Variants in BUD31 observed in about 807,000 individuals in gnomAD.
BUD31 encodes protein BUD31 homolog.
In BUD31, 9 loss-of-function variants were observed where a neutral mutation model predicts 17.9. The ratio of observed to expected loss-of-function variants is 0.50; its 90% CI spans 0.30 to 0.88. BUD31 has a LOEUF of 0.88. Among genes scored for constraint, BUD31 ranks in the 40% least tolerant of loss-of-function variants. The probability of loss-of-function intolerance (pLI) is 0.06; values close to 1 mark genes in which losing one functional copy is unlikely to be tolerated. For synonymous variants in BUD31, 70 were observed against 64.7 expected (o/e 1.08, Z -0.39); for missense variants, 148 against 184.5 (o/e 0.80, Z 1.15).
intron 3 of BUD31, chr7:99,415,408 TA>T: frequency 2.5e-6 from 1 of 399,360 alleles, no homozygotes; most frequent in South Asian, 1.8e-5. Context: ...TATTGTTATC[TA>T]AAAGGCAGAG....
At chr7:99,409,766 G>A in intron 1 of BUD31, among the ~76,000 whole-genome samples, 1 of 128,022 alleles carries the variant, frequency 7.8e-6, no homozygotes, top group Non-Finnish European at 1.6e-5. Flanking sequence ...GAGGCTCTGT[G>A]GGCGGGGGGG....
At position 99,417,802 on chromosome 7, in the gene BUD31, A is replaced by G. The variant is rs139367550; in HGVS notation, c.384+207A>G. 8.8e-3 allele frequency: 13,307 copies of G among 1,513,754 alleles called. 66 individuals are homozygous for G. The highest frequency in any genetic ancestry group is 0.011 in the Non-Finnish European group (12,667 of 1,135,752). The allele number at this position is 1,513,754 out of a possible 1,614,324, so 93.8% of individuals were successfully genotyped here. A position where few individuals can be genotyped will look rare whatever the true frequency, so the allele number is the denominator to read the frequency against. On this transcript the variant is annotated intron_variant, in intron 5 of 5. Coordinates refer to ENST00000222969, the MANE Select transcript of BUD31 (RefSeq NM_003910.4). ...TGTGTGTTTGTTAGGTCTGGGGTCAATCTCAACTCCACTTTTGGGCAAATT... is the reference window on the plus strand; with the variant it reads ...TGTGTGTTTGTTAGGTCTGGGGTCAGTCTCAACTCCACTTTTGGGCAAATT...
At chr7:99,418,002 T>C (rs2150938919) in intron 5 of BUD31, 1 of 1,161,790 alleles carries the variant, frequency 8.6e-7, no homozygotes, top group Non-Finnish European at 1.1e-6. Context: ...GAGTCTTGCT[T>C]TGTCGCCCAG....
At chr7:99,413,573 T>G (rs932865116) in intron 3 of BUD31, among the ~76,000 whole-genome samples, 4 of 152,070 alleles carry the variant, frequency 2.6e-5, no homozygotes. Flanking sequence ...CAAGGTTGGT[T>G]TTTTGGCTTT....
intron 1 of BUD31, among the ~76,000 whole-genome samples, chr7:99,409,780 T>TGGGGGGGGGGGGGGGGGGGGGGGGGG (rs1554353400): frequency 1.6e-5 from 1 of 61,120 alleles, no homozygotes; most frequent in Non-Finnish European, 3.2e-5. Flanking sequence ...GGGGGGGGGG[T>TGGGGGGGGGGGGGGGGGGGGGGGGGG]GGGTCTTTGT....
chr7:99,417,252 C>T, intron 4 of BUD31, 177 bp from the exon 5 acceptor site: 2 of 571,322 alleles, frequency 3.5e-6, no homozygotes, highest in East Asian at 3.2e-5. Context: ...GGGGTTTTAC[C>T]ATGTTGGCCG....
At chr7:99,411,546 A>G (rs1283538822) in intron 3 of BUD31, among the ~76,000 whole-genome samples, 1 of 152,106 alleles carries the variant, frequency 6.6e-6, no homozygotes, top group East Asian at 1.9e-4. Flanking sequence ...AGTATCATCG[A>G]TTAGTCTTTG....
chr7:99,409,574 C>T (rs1795089545), intron 1 of BUD31, among the ~76,000 whole-genome samples: 1 of 152,016 alleles, frequency 6.6e-6, no homozygotes, highest in African/African-American at 2.4e-5. Flanking sequence ...CGCCTTGGGG[C>T]CGAGACCAGA....
intron 4 of BUD31, 152 bp downstream of exon 4, chr7:99,416,412 G>C: frequency 1.0e-6 from 1 of 986,578 alleles, no homozygotes; most frequent in South Asian, 1.7e-5. Flanking sequence ...TTTTGTGTGT[G>C]TGTTTGTTTT....
chr7:99,411,300 A>C, intron 3 of BUD31, 114 bp downstream of exon 3: 1 of 728,422 alleles, frequency 1.4e-6, no homozygotes, highest in Non-Finnish European at 2.3e-6. Flanking sequence ...ACTAACACTG[A>C]CATGTTGTGT....
chr7:99,410,245 C>T (rs1434878513), intron 2 of BUD31, 76 bp downstream of exon 2: 1 of 152,060 alleles, frequency 6.6e-6, no homozygotes, highest in Non-Finnish European at 1.5e-5. Flanking sequence ...GAGACATGGT[C>T]TCACTCCGTC....
At chr7:99,413,936 A>C (rs576866955) in intron 3 of BUD31, among the ~76,000 whole-genome samples, 1 of 152,268 alleles carries the variant, frequency 6.6e-6, no homozygotes, top group South Asian at 2.1e-4. Flanking sequence ...GTCTTTAAAA[A>C]TCTATGTTTT....
At chr7:99,417,642 T>A in intron 5 of BUD31, 47 bp downstream of exon 5, 1 of 1,603,024 alleles carries the variant, frequency 6.2e-7, no homozygotes, top group East Asian at 2.2e-5. Context: ...CTCAAAATTC[T>A]GCCTTAGTCG....
At position 99,413,598 on chromosome 7, in the gene BUD31, G is replaced by A. The variant is rs1257971219; in HGVS notation, c.94+2412G>A. The stretch of plus-strand genomic sequence containing the variant: ...TTTTTGGCTTTTTTTTGTTTGTTTT[G>A]TTTTGTTTTTTTTTGAGACAGGGTC... On this transcript the variant is annotated intron_variant, in intron 3 of 5. Coordinates refer to ENST00000222969, the MANE Select transcript of BUD31 (RefSeq NM_003910.4). Among the ~76,000 whole-genome samples, 3 of 152,046 alleles carry A rather than the reference G, an allele frequency of 2.0e-5. No individual in the cohort carries two copies. In the East Asian group the frequency reaches 5.8e-4, roughly 29 times the overall value.
intron 3 of BUD31, among the ~76,000 whole-genome samples, chr7:99,415,567 C>T (rs1012586155): frequency 7.2e-5 from 11 of 152,056 alleles, no homozygotes; most frequent in Non-Finnish European, 1.0e-4. Flanking sequence ...GTAGAGTCTT[C>T]TCTAAACTCC....
chr7:99,416,006 G>A, intron 3 of BUD31, 132 bp from the exon 4 acceptor site: 9 of 1,291,248 alleles, frequency 7.0e-6, no homozygotes, highest in Non-Finnish European at 9.4e-6. Flanking sequence ...TCGGCACCTG[G>A]GTGGCTTGCC....
At position 99,411,059 on chromosome 7, in the gene BUD31, C is replaced by T; in HGVS notation, c.-29-5C>T. The T allele has an allele frequency of 6.3e-7, 1 of 1,581,738 alleles. No individual in the cohort carries two copies. Among genetic ancestry groups the T allele is most frequent in the South Asian group, 1.1e-5 (1 of 89,474 alleles). The stretch of plus-strand genomic sequence containing the variant: ...CTCAGAAACCAATTCATTTTTTTCC[C>T]CCAGATCTTTGCAGATTATCCTGTG... On this transcript the variant is annotated splice_region_variant and splice_polypyrimidine_tract_variant and intron_variant, in intron 2 of 5. Transcript: ENST00000222969.
chr7:99,412,612 T>C lies in BUD31; in HGVS notation c.94+1426T>C, dbSNP rs141015126. Among the ~76,000 whole-genome samples the C allele has an allele frequency of 1.0e-3, 157 of 151,550 alleles. 3 individuals carry two copies. The East Asian group carries it at 0.028, about 27-fold the overall frequency. ...CTTGGCTAAGTTTTCTTTTCTTTTT[T>C]TTCTTTTTTTTTTTTTTGAGACGGA... On this transcript the variant is annotated intron_variant, in intron 3 of 5. Transcript: ENST00000222969.
chr7:99,414,145 T>C (rs563111692), intron 3 of BUD31, among the ~76,000 whole-genome samples: 1 of 148,342 alleles, frequency 6.7e-6, no homozygotes, highest in East Asian at 1.9e-4. Flanking sequence ...TTTATTTTTT[T>C]ATTTTTTTTT....
Sources: allele counts gnomAD v4.1 joint callset (sites outside exome capture counted in the v4.1 genomes callset), GRCh38; gene constraint gnomAD v4.1.1; transcripts MANE v1.5; gene names NCBI Gene and HGNC (gene_info 2026-07-23, HGNC 2026-07-21).